The following SEMA3A variants were observed in gnomAD, a reference collection of about 807,000 sequenced individuals.
The protein encoded by SEMA3A is semaphorin-3A.
SEMA3A carries 29 observed loss-of-function variants against 97.9 expected under a neutral mutation model. That is an observed-to-expected ratio of 0.30 (90% CI 0.22 to 0.40). The LOEUF is 0.40. Ranked by LOEUF, SEMA3A falls within the 10% of genes least tolerant of loss-of-function variation. The pLI, the probability that SEMA3A is intolerant of heterozygous loss-of-function variation, is 1.00. For synonymous variants in SEMA3A, 321 were observed against 323.7 expected, an observed-to-expected ratio of 0.99 and a Z score of 0.09; for missense variants, 763 against 951.3, an observed-to-expected ratio of 0.80 and a Z score of 2.60.
At chr7:84,209,463 T>C (rs76615849) in intron 3 of SEMA3A, among the ~76,000 whole-genome samples, 3 of 152,204 alleles carry the variant, frequency 2.0e-5, no homozygotes, top group African/African-American at 7.2e-5. Context: ...TAACCAATTA[T>C]GTGTTGAGTT....
chr7:83,968,282 C>T (rs1298283695), intron 15 of SEMA3A, among the ~76,000 whole-genome samples: 1 of 152,214 alleles, frequency 6.6e-6, no homozygotes, highest in African/African-American at 2.4e-5. Context: ...TTAATCACAT[C>T]GGACAGTTGA....
intron 1 of SEMA3A, among the ~76,000 whole-genome samples, chr7:84,136,128 G>T (rs1796117489): frequency 6.6e-6 from 1 of 152,066 alleles, no homozygotes; most frequent in African/African-American, 2.4e-5. Flanking sequence ...TGTATGTCCT[G>T]AATCAGTGCT....
chr7:84,191,009 GA>G (rs1234219209), intron 1 of SEMA3A, among the ~76,000 whole-genome samples: 1 of 149,416 alleles, frequency 6.7e-6, no homozygotes, highest in Non-Finnish European at 1.5e-5. Flanking sequence ...TGAAAGTAAA[GA>G]AAATCTTAAA....
At chr7:84,353,335 C>T (rs999031608) in intron 2 of SEMA3A, among the ~76,000 whole-genome samples, 1 of 137,010 alleles carries the variant, frequency 7.3e-6, no homozygotes, top group Non-Finnish European at 1.5e-5. Context: ...TTCATACATA[C>T]ATAAATATGT....
intron 3 of SEMA3A, among the ~76,000 whole-genome samples, chr7:84,243,610 T>C (rs982803318): frequency 6.7e-6 from 1 of 148,766 alleles, no homozygotes; most frequent in African/African-American, 2.6e-5. Flanking sequence ...TCTGGATTCA[T>C]TGATTTTTTT....
intron 3 of SEMA3A, among the ~76,000 whole-genome samples, chr7:84,301,855 C>T (rs1035138990): frequency 5.3e-5 from 8 of 152,218 alleles, no homozygotes; most frequent in South Asian, 2.1e-4. Context: ...ATGGTACAAC[C>T]GTTTTGGAAA....
intron 1 of SEMA3A, among the ~76,000 whole-genome samples, chr7:84,477,749 T>C (rs1806334016): frequency 6.6e-6 from 1 of 152,194 alleles, no homozygotes; most frequent in African/African-American, 2.4e-5. Flanking sequence ...CATATGTCTA[T>C]CTCTGAGAGC....
intron 3 of SEMA3A, among the ~76,000 whole-genome samples, chr7:84,208,154 T>C (rs1163647482): frequency 6.6e-6 from 1 of 151,952 alleles, no homozygotes; most frequent in Non-Finnish European, 1.5e-5. Context: ...TACTAAAATG[T>C]TAAGAATGGA....
chr7:84,442,541 A>C (rs1381116048), intron 1 of SEMA3A, among the ~76,000 whole-genome samples: 1 of 152,116 alleles, frequency 6.6e-6, no homozygotes, highest in Admixed American at 6.5e-5. Flanking sequence ...CACCAAAGAA[A>C]ATGTAGGAAG....
At chr7:84,116,937 G>A (rs1219771088) in intron 3 of SEMA3A, among the ~76,000 whole-genome samples, 1 of 152,154 alleles carries the variant, frequency 6.6e-6, no homozygotes, top group Admixed American at 6.5e-5. Flanking sequence ...GCAACCTGAT[G>A]CTTGGTTAAA....
At chr7:84,308,821 T>TTCC (rs1187255626) in intron 2 of SEMA3A, among the ~76,000 whole-genome samples, 7 of 67,976 alleles carry the variant, frequency 1.0e-4, no homozygotes, top group African/African-American at 3.2e-4. Context: ...TCACTTTTTT[T>TTCC]TTCTTTTTTT....
rs186312919 is a variant in SEMA3A, at chr7:84,166,464, G to C, written c.112+28011C>G. 1.9e-3 allele frequency among the ~76,000 whole-genome samples: 282 copies of C among 151,466 alleles called. 7 individuals are homozygous for C. The East Asian group carries it at 0.05, about 27-fold the overall frequency. ...TGCATGCCTCTAATCCCAGCTACTC[G>C]GGAGCCTAAGGCAGGAGAATTGCTT... On this transcript the variant is annotated intron_variant, in intron 1 of 16. Coordinates refer to ENST00000265362, the MANE Select transcript of SEMA3A (RefSeq NM_006080.3).
At chr7:84,324,466 C>T (rs994580864) in intron 2 of SEMA3A, among the ~76,000 whole-genome samples, 25 of 152,188 alleles carry the variant, frequency 1.6e-4, no homozygotes, top group Admixed American at 3.9e-4. Context: ...CTGCCAGCTC[C>T]AGTGAATGAA....
intron 11 of SEMA3A, among the ~76,000 whole-genome samples, chr7:84,004,958 T>G (rs1790605757): frequency 6.6e-6 from 1 of 152,170 alleles, no homozygotes; most frequent in Admixed American, 6.6e-5. Context: ...TGTCAACTCT[T>G]ACTCTTCCTT....
At chr7:84,051,152 C>CA (rs1792622716) in intron 5 of SEMA3A, among the ~76,000 whole-genome samples, 1 of 148,558 alleles carries the variant, frequency 6.7e-6, no homozygotes, top group South Asian at 2.2e-4. Flanking sequence ...GTGATGCCTC[C>CA]AGCTTTGTTC....
In SEMA3A at chr7:84,074,662, T is replaced by C. The variant is rs193022106; in HGVS notation, c.454-14104A>G. On this transcript the variant is annotated intron_variant, in intron 4 of 16. Transcript: ENST00000265362. ...CTATAAGGAAATTTAGGTCTGAGTA[T>C]ATTAACTTCTTTATATAAATTAATA... is the stretch of plus-strand genomic sequence containing the variant. Among the ~76,000 whole-genome samples, 511 of 152,202 alleles carry C rather than the reference T, an allele frequency of 3.4e-3. 1 individual carries two copies. Among genetic ancestry groups the C allele is most frequent in the African/African-American group, 0.012 (485 of 41,576 alleles).
intron 1 of SEMA3A, among the ~76,000 whole-genome samples, chr7:84,424,241 T>C (rs912646305): frequency 2.0e-5 from 3 of 149,990 alleles, no homozygotes; most frequent in African/African-American, 7.3e-5. Context: ...AGGATGACCC[T>C]ATGTACCCAC....
chr7:84,357,283 A>G (rs13437800), intron 2 of SEMA3A, among the ~76,000 whole-genome samples: 35,507 of 98,648 alleles, frequency 0.36, 4,540 homozygotes, highest in African/African-American at 0.45. Context: ...TCCCCGCCCC[A>G]CCCCCCCTCC....
chr7:84,329,449 T>C (rs987418824), intron 2 of SEMA3A, among the ~76,000 whole-genome samples: 1 of 152,070 alleles, frequency 6.6e-6, no homozygotes, highest in Non-Finnish European at 1.5e-5. Context: ...TAATATATTT[T>C]ATATGTGGTC....
Sources: allele counts gnomAD v4.1 joint callset (sites outside exome capture counted in the v4.1 genomes callset), GRCh38; gene constraint gnomAD v4.1.1; transcripts MANE v1.5; gene names NCBI Gene and HGNC (gene_info 2026-07-23, HGNC 2026-07-21).